SGCD: variants seen among roughly 807,000 people sequenced by gnomAD.
SGCD encodes the protein sarcoglycan delta, also known as delta-sarcoglycan.
In SGCD, 18 loss-of-function variants were observed where a neutral mutation model predicts 36.6. The observed-to-expected ratio is 0.49, with a 90% CI of 0.34 to 0.73. The LOEUF (loss-of-function observed/expected upper bound fraction) is 0.73, where lower values mean the gene tolerates loss of function less well. Ranked by LOEUF, SGCD falls within the 30% of genes least tolerant of loss-of-function variation. SGCD has a pLI of 0.01. For missense variants in SGCD, 387 were observed against 346.7 expected, an observed-to-expected ratio of 1.12 and a Z score of -0.92; for synonymous variants, 133 against 130.6, an observed-to-expected ratio of 1.02 and a Z score of -0.12.
chr5:156,709,368 T>C (rs1201063117), intron 7 of SGCD, among the ~76,000 whole-genome samples: 4 of 152,176 alleles, frequency 2.6e-5, no homozygotes, highest in African/African-American at 7.2e-5. Flanking sequence ...CCCACTCCCT[T>C]CCTTGTTCAC....
intron 1 of SGCD, among the ~76,000 whole-genome samples, chr5:155,900,554 C>T (rs1756367000): frequency 6.6e-6 from 1 of 150,982 alleles, no homozygotes; most frequent in Non-Finnish European, 1.5e-5. Flanking sequence ...AGGTATATCT[C>T]CCGATGCTAT....
chr5:155,994,433 G>A (rs1423571460), intron 1 of SGCD, among the ~76,000 whole-genome samples: 1 of 152,106 alleles, frequency 6.6e-6, no homozygotes, highest in African/African-American at 2.4e-5. Context: ...CCTAGGACTT[G>A]GACTTGGAAA....
At chr5:155,785,245 GTCTC>G in the SGCD span, among the ~76,000 whole-genome samples, 1 of 152,106 alleles carries the variant, frequency 6.6e-6, no homozygotes, top group Non-Finnish European at 1.5e-5. Context: ...CTATCAGTTT[GTCTC>G]TCTCCACGGA....
intron 2 of SGCD, among the ~76,000 whole-genome samples, chr5:156,343,440 T>C (rs1453529239): frequency 6.6e-6 from 1 of 152,252 alleles, no homozygotes; most frequent in Non-Finnish European, 1.5e-5. Context: ...GGTACCACAT[T>C]CATATGATTT....
At chr5:156,284,652 A>T (rs1051047819) in intron 3 of SGCD, among the ~76,000 whole-genome samples, 6 of 152,190 alleles carry the variant, frequency 3.9e-5, no homozygotes, top group African/African-American at 1.4e-4. Flanking sequence ...TCAATAAATT[A>T]GGTATTGATG....
intron 4 of SGCD, among the ~76,000 whole-genome samples, chr5:156,545,668 A>G (rs1212113269): frequency 6.6e-6 from 1 of 152,116 alleles, no homozygotes; most frequent in Non-Finnish European, 1.5e-5. Flanking sequence ...TCAGGCAGTA[A>G]TGCTCACTCG....
intron 3 of SGCD, among the ~76,000 whole-genome samples, chr5:156,153,888 G>C (rs572506662): frequency 9.9e-5 from 15 of 151,736 alleles, no homozygotes; most frequent in South Asian, 2.1e-4. Flanking sequence ...CCAAATTTGA[G>C]AATGACTGCT....
intron 3 of SGCD, among the ~76,000 whole-genome samples, chr5:156,298,576 C>CTTTTTTTTT (rs924228753): frequency 4.5e-5 from 5 of 110,520 alleles, no homozygotes; most frequent in Non-Finnish European, 7.2e-5. Flanking sequence ...TTTTTCTTTT[C>CTTTTTTTTT]TTTTTTTTTT....
chr5:156,753,716 G>A (rs1757236657), intron 7 of SGCD, among the ~76,000 whole-genome samples: 1 of 152,114 alleles, frequency 6.6e-6, no homozygotes, highest in South Asian at 2.1e-4. Context: ...GCCAAGCGAA[G>A]GGGGAAAGCC....
intron 3 of SGCD, among the ~76,000 whole-genome samples, chr5:156,374,418 G>A (rs191521801): frequency 2.6e-5 from 4 of 152,174 alleles, no homozygotes; most frequent in Non-Finnish European, 2.9e-5. Flanking sequence ...AGCTTCACAT[G>A]GGAGCAAAAC....
At chr5:155,853,072 T>C in the SGCD span, among the ~76,000 whole-genome samples, 2 of 152,024 alleles carry the variant, frequency 1.3e-5, no homozygotes, top group East Asian at 3.9e-4. Flanking sequence ...TTAGTTATAA[T>C]ATAATGGATA....
intron 3 of SGCD, among the ~76,000 whole-genome samples, chr5:156,506,558 T>C (rs1339150215): frequency 2.0e-5 from 3 of 151,868 alleles, no homozygotes; most frequent in Non-Finnish European, 4.4e-5. Context: ...CCCTGTAACA[T>C]CTCATAGAGA....
chr5:155,891,494 C>G (rs972267805), intron 1 of SGCD, among the ~76,000 whole-genome samples: 1 of 143,500 alleles, frequency 7.0e-6, no homozygotes, highest in Non-Finnish European at 1.5e-5. Context: ...TCTTTTGTCT[C>G]ACTGTTGATG....
chr5:156,592,867 G>T (rs1390664104), intron 5 of SGCD, among the ~76,000 whole-genome samples: 1 of 152,146 alleles, frequency 6.6e-6, no homozygotes, highest in African/African-American at 2.4e-5. Flanking sequence ...ACACTGGCAA[G>T]GGATGAGGTC....
intron 3 of SGCD, among the ~76,000 whole-genome samples, chr5:156,456,173 G>C: frequency 6.6e-6 from 1 of 152,196 alleles, no homozygotes. Context: ...TGGGGAGGTA[G>C]CTTTGGAATG....
At chr5:155,915,911 C>T (rs1383804676) in intron 1 of SGCD, among the ~76,000 whole-genome samples, 3 of 152,170 alleles carry the variant, frequency 2.0e-5, no homozygotes, top group East Asian at 1.9e-4. Context: ...CCAGTGGGTA[C>T]GATGTACCAA....
At chr5:156,468,341 C>CAA (rs60364292) in intron 3 of SGCD, among the ~76,000 whole-genome samples, 11 of 110,892 alleles carry the variant, frequency 9.9e-5, no homozygotes, top group Non-Finnish European at 1.7e-4. Flanking sequence ...GACCTTGTCT[C>CAA]AAAAAAAAAA....
chr5:156,735,713 T>A (rs946925803), intron 7 of SGCD, among the ~76,000 whole-genome samples: 1 of 152,072 alleles, frequency 6.6e-6, no homozygotes, highest in Non-Finnish European at 1.5e-5. Context: ...TGAGGTGCCA[T>A]AAAAGCAGGG....
chr5:156,266,572 T>C (rs188733504), intron 3 of SGCD, among the ~76,000 whole-genome samples: 24 of 152,272 alleles, frequency 1.6e-4, no homozygotes, highest in African/African-American at 5.8e-4. Flanking sequence ...AGCCTCCAAC[T>C]CCTGGGCTTA....
Sources: allele counts gnomAD v4.1 joint callset (sites outside exome capture counted in the v4.1 genomes callset), GRCh38; gene constraint gnomAD v4.1.1; transcripts MANE v1.5; gene names NCBI Gene and HGNC (gene_info 2026-07-23, HGNC 2026-07-21).